The following HMGA1 variants were observed in gnomAD, a reference collection of about 807,000 sequenced individuals.
HMGA1 encodes high mobility group AT-hook 1, also known as high mobility group protein HMG-I/HMG-Y.
HMGA1 carries 1 observed loss-of-function variant against 15.1 expected under a neutral mutation model. That is an observed-to-expected ratio of 0.07 (90% confidence interval 0.02 to 0.31). The LOEUF (loss-of-function observed/expected upper bound fraction) is 0.31. Among genes scored for constraint, HMGA1 ranks in the 10% least tolerant of loss-of-function variants. HMGA1 has a pLI of 1.00. For synonymous variants in HMGA1, 56 were observed against 54.8 expected, an observed-to-expected ratio of 1.02 and a Z score of -0.10; for missense variants, 94 against 141.4, an observed-to-expected ratio of 0.66 and a Z score of 1.70.
At chr6:34,242,841 G>A (rs757713633) in intron 4 of HMGA1, 46 bp downstream of exon 4, 16 of 1,434,908 alleles carry the variant, frequency 1.1e-5, no homozygotes, top group Admixed American at 7.8e-5. Flanking sequence ...ACTAGCAGAG[G>A]ATCCTCTTGT....
rs990451434 is a variant in HMGA1 at position 34,245,697 on chromosome 6, A to G, written c.*813A>G. On this transcript the variant is annotated 3_prime_UTR_variant, in exon 6 of 6. Coordinates refer to ENST00000311487, the MANE Select transcript of HMGA1 (RefSeq NM_145899.3). ...TGAGGTGGGCTGGGGCTGCTCCCCT[A>G]ACCCTACTTTGCTTCCGCCACTCAG... is the stretch of plus-strand genomic sequence containing the variant. 2.4e-5 allele frequency: 24 copies of G among 1,015,206 alleles called. No homozygotes were observed. The highest frequency in any genetic ancestry group is 3.3e-5 in the Non-Finnish European group (24 of 735,394). 62.9% of individuals were successfully genotyped at this position (1,015,206 alleles called of 1,614,324 possible). A position where few individuals can be genotyped will look rare whatever the true frequency, so the allele number is the denominator to read the frequency against.
intron 4 of HMGA1, among the ~76,000 whole-genome samples, chr6:34,243,152 G>A (rs1762437392): frequency 6.6e-6 from 1 of 152,118 alleles, no homozygotes. Flanking sequence ...GAAGGGGTGG[G>A]GACAGGCAGC....
At chr6:34,240,674 G>A in intron 2 of HMGA1, 63 bp from the exon 3 acceptor site, 4 of 1,298,906 alleles carry the variant, frequency 3.1e-6, no homozygotes, top group South Asian at 1.2e-5. Flanking sequence ...AGGTGTGGGT[G>A]ATGAGGGGGT....
chr6:34,245,125 C>G lies in HMGA1; in HGVS notation c.*241C>G, dbSNP rs561103673. 6 of 1,497,680 alleles carry G rather than the reference C, an allele frequency of 4.0e-6. No homozygotes were observed. The South Asian group carries it at 4.8e-5, about 12-fold the overall frequency. The allele number at this position is 1,497,680 out of a possible 1,614,324, so 92.8% of individuals were successfully genotyped here. A position where few individuals can be genotyped will look rare whatever the true frequency, so the allele number is the denominator to read the frequency against. On this transcript the variant is annotated 3_prime_UTR_variant, in exon 6 of 6. Coordinates refer to ENST00000311487, the MANE Select transcript of HMGA1 (RefSeq NM_145899.3). ...CCTGGCCTCAGTTCCCAGCTCCCCC[C>G]GCCCACCCACGCATACACACATGCC... is the stretch of plus-strand genomic sequence containing the variant.
Position 34,245,439 on chromosome 6 carries a change from C to T in HMGA1, c.*555C>T. On this transcript the variant is annotated 3_prime_UTR_variant, in exon 6 of 6. Coordinates refer to ENST00000311487, the MANE Select transcript of HMGA1 (RefSeq NM_145899.3). ...CCCAGGATTCCCCCAGCCAAACTGTCTTTGTCACCACGTGGGGCTCACTTT... is the reference window on the plus strand; with the variant it reads ...CCCAGGATTCCCCCAGCCAAACTGTTTTTGTCACCACGTGGGGCTCACTTT... 1.5e-6 allele frequency: 2 copies of T among 1,370,740 alleles called. No individual in the cohort carries two copies. Among genetic ancestry groups the T allele is most frequent in the Non-Finnish European group, 9.6e-7 (1 of 1,036,502 alleles). 84.9% of individuals were successfully genotyped at this position (1,370,740 alleles called of 1,614,324 possible).
At position 34,245,891 on chromosome 6, in the gene HMGA1, G is replaced by A. The variant is rs527673741; in HGVS notation, c.*1007G>A. 1.3e-5 allele frequency: 4 copies of A among 317,016 alleles called. No homozygotes were observed. The highest frequency in any genetic ancestry group is 1.2e-4 in the South Asian group (3 of 24,762). The allele number at this position is 317,016 out of a possible 1,614,324, so 19.6% of individuals were successfully genotyped here. On this transcript the variant is annotated 3_prime_UTR_variant, in exon 6 of 6. Coordinates refer to ENST00000311487, the MANE Select transcript of HMGA1 (RefSeq NM_145899.3). ...TTTTTTGTTCAATGTTCCATTCTTCGACATCCGTCATTGCTGCTGCTACCA... is the reference window on the plus strand; with the variant it reads ...TTTTTTGTTCAATGTTCCATTCTTCAACATCCGTCATTGCTGCTGCTACCA...
chr6:34,237,891 G>T (rs575397136), intron 2 of HMGA1, among the ~76,000 whole-genome samples: 2 of 152,178 alleles, frequency 1.3e-5, no homozygotes, highest in East Asian at 1.9e-4. Flanking sequence ...CGGAGCGCGG[G>T]CCTGGGTTTG....
chr6:34,238,091 G>C (rs1321577225), intron 2 of HMGA1, among the ~76,000 whole-genome samples: 1 of 152,162 alleles, frequency 6.6e-6, no homozygotes, highest in African/African-American at 2.4e-5. Context: ...CGGAGGGAGG[G>C]GGCTTTCTTC....
At chr6:34,240,460 C>T (rs758642663) in intron 2 of HMGA1, among the ~76,000 whole-genome samples, 60 of 151,438 alleles carry the variant, frequency 4.0e-4, no homozygotes, top group Admixed American at 1.3e-3. Flanking sequence ...CCTCCTGGGA[C>T]CCCCCCCACC....
rs1403705803 is a variant in HMGA1 at position 34,245,941 on chromosome 6, C to T, written c.*1057C>T. 1 of 302,442 alleles carries T rather than the reference C, an allele frequency of 3.3e-6. No individual in the cohort carries two copies. The highest frequency in any genetic ancestry group is 6.3e-6 in the Non-Finnish European group (1 of 159,104). 18.7% of individuals were successfully genotyped at this position (302,442 alleles called of 1,614,324 possible). On this transcript the variant is annotated 3_prime_UTR_variant, in exon 6 of 6. Transcript: ENST00000311487. ...AGCGCCAAATGTTCATCCTCATTGC[C>T]TCCTGTTCTGCCCACGATCCCCTCC...
chr6:34,244,731 C>T (rs1275351908), intron 5 of HMGA1, 100 bp from the exon 6 acceptor site: 6 of 953,860 alleles, frequency 6.3e-6, no homozygotes, highest in Non-Finnish European at 6.6e-6. Context: ...CATCCCTCTT[C>T]AGGAGAGCCA....
At chr6:34,242,009 A>T (rs760695496) in intron 3 of HMGA1, among the ~76,000 whole-genome samples, 4 of 152,146 alleles carry the variant, frequency 2.6e-5, no homozygotes, top group African/African-American at 4.8e-5. Context: ...GTGCAGGGTT[A>T]CTGGACCCTG....
rs1762692671 is a variant in HMGA1, at chr6:34,245,707, T to C, written c.*823T>C. Reference sequence around the variant, plus strand: ...TGGGGCTGCTCCCCTAACCCTACTTTGCTTCCGCCACTCAGCCATTTCCCC... The same window carrying C: ...TGGGGCTGCTCCCCTAACCCTACTTCGCTTCCGCCACTCAGCCATTTCCCC... On this transcript the variant is annotated 3_prime_UTR_variant, in exon 6 of 6. Transcript: ENST00000311487. The C allele has an allele frequency of 2.3e-6, 2 of 879,762 alleles. No individual in the cohort carries two copies. Among genetic ancestry groups the C allele is most frequent in the Non-Finnish European group, 1.6e-6 (1 of 617,318 alleles). The allele number at this position is 879,762 out of a possible 1,614,324, so 54.5% of individuals were successfully genotyped here.
Position 34,245,232 on chromosome 6 carries a change from C to T in HMGA1, c.*348C>T, listed in dbSNP as rs1762650022. 1 of 1,388,724 alleles carries T rather than the reference C, an allele frequency of 7.2e-7. No individual in the cohort carries two copies. Among genetic ancestry groups the T allele is most frequent in the Non-Finnish European group, 9.5e-7 (1 of 1,051,724 alleles). The allele number at this position is 1,388,724 out of a possible 1,614,324, so 86.0% of individuals were successfully genotyped here. On this transcript the variant is annotated 3_prime_UTR_variant, in exon 6 of 6. Coordinates refer to ENST00000311487, the MANE Select transcript of HMGA1 (RefSeq NM_145899.3). ...CTCCCTTGGTGGTGGGGACATTGCT[C>T]TCTGGGCTTTTGGTTTGGGGGCGCC...
At chr6:34,242,995 G>A (rs1303095775) in intron 4 of HMGA1, among the ~76,000 whole-genome samples, 200 bp downstream of exon 4, 1 of 152,118 alleles carries the variant, frequency 6.6e-6, no homozygotes, top group Non-Finnish European at 1.5e-5. Context: ...ACTTCTGGGG[G>A]GTTGGTCCTG....
intron 4 of HMGA1, among the ~76,000 whole-genome samples, chr6:34,243,227 T>C (rs1762443073): frequency 6.6e-6 from 1 of 152,056 alleles, no homozygotes; most frequent in Non-Finnish European, 1.5e-5. Context: ...TTTTATTTTT[T>C]CTAAGACACG....
chr6:34,239,095 A>G (rs1350947390), intron 2 of HMGA1: 1 of 152,166 alleles, frequency 6.6e-6, no homozygotes, highest in African/African-American at 2.4e-5. Context: ...ATCACCAACC[A>G]CCTTGTTTAA....
intron 2 of HMGA1, 139 bp downstream of exon 2, chr6:34,237,456 C>T (rs1185955305): frequency 7.0e-6 from 1 of 142,994 alleles, no homozygotes; most frequent in South Asian, 2.1e-4. Context: ...GCGGCGCGAG[C>T]CGGCGGCGGG....
intron 5 of HMGA1, among the ~76,000 whole-genome samples, chr6:34,244,292 G>A (rs1035435912): frequency 2.0e-5 from 3 of 152,016 alleles, no homozygotes; most frequent in African/African-American, 4.8e-5. Flanking sequence ...CGACATTCCC[G>A]CCCAGTGAGT....
Sources: gnomAD v4.1 joint callset for allele counts (sites outside exome capture counted in the v4.1 genomes callset) on GRCh38, gnomAD v4.1.1 for gene constraint, MANE v1.5 for transcripts, NCBI Gene and HGNC (gene_info 2026-07-23, HGNC 2026-07-21) for gene names.